The following SLCO1B1 variants were observed in gnomAD, a reference collection of about 807,000 sequenced individuals.
SLCO1B1 encodes the protein OATP-2.
A neutral mutation model predicts 70.1 loss-of-function variants in SLCO1B1; 81 were observed. The observed-to-expected ratio is 1.16, with a 90% CI of 0.97 to 1.39. The LOEUF (loss-of-function observed/expected upper bound fraction) is 1.39, where lower values mean the gene tolerates loss of function less well. Among genes scored for constraint, SLCO1B1 ranks in the 40% most tolerant of loss-of-function variants. The pLI is 0.00. For missense variants in SLCO1B1, 895 were observed against 799.6 expected (o/e 1.12, Z -1.44); for synonymous variants, 283 against 271.5 (o/e 1.04, Z -0.42).
intron 14 of SLCO1B1, among the ~76,000 whole-genome samples, chr12:21,236,586 G>A (rs1411960935): frequency 1.3e-5 from 2 of 152,164 alleles, no homozygotes; most frequent in Admixed American, 6.5e-5. Flanking sequence ...TAACAATTTG[G>A]TGGTCAGCAG....
At chr12:21,235,754 T>C (rs1370530208) in intron 14 of SLCO1B1, among the ~76,000 whole-genome samples, 1 of 152,128 alleles carries the variant, frequency 6.6e-6, no homozygotes, top group Non-Finnish European at 1.5e-5. Context: ...CATATTTCCT[T>C]AGTGTTTACT....
chr12:21,211,442 G>A (rs909358262), intron 11 of SLCO1B1, among the ~76,000 whole-genome samples: 8 of 152,272 alleles, frequency 5.3e-5, no homozygotes, highest in African/African-American at 1.7e-4. Flanking sequence ...GCTTTTGGAT[G>A]TGCTGCTGGA....
At chr12:21,179,151 G>C in intron 7 of SLCO1B1, 131 bp downstream of exon 7, 1 of 659,966 alleles carries the variant, frequency 1.5e-6, no homozygotes, top group Non-Finnish European at 2.7e-6. Flanking sequence ...TTACAAGTAG[G>C]AAATAAATGT....
rs1171764062 is a variant in SLCO1B1, at chr12:21,238,985, C to T, written c.1872C>T (p.Val624=). ...RTYNSTSFSR[V]YLGLSSMLRV... is the part of the protein sequence containing the mutation. Reference sequence around the variant, plus strand: ...ATTTTCTCTATTTCTACAGAAGGGTCTACTTGGGCTTGTCTTCAATGTTAA... The same window carrying T: ...ATTTTCTCTATTTCTACAGAAGGGTTTACTTGGGCTTGTCTTCAATGTTAA... Residue 624 remains valine (V), a synonymous_variant, in exon 15 of 15, where the codon GTC becomes GTT. Coordinates refer to ENST00000256958, the MANE Select transcript of SLCO1B1 (RefSeq NM_006446.5). The T allele has an allele frequency of 1.3e-6, 2 of 1,553,614 alleles. No homozygotes were observed. The highest frequency in any genetic ancestry group is 4.5e-5 in the East Asian group (2 of 44,368).
chr12:21,154,849 C>A (rs1404996213), intron 2 of SLCO1B1, among the ~76,000 whole-genome samples: 1 of 152,048 alleles, frequency 6.6e-6, no homozygotes, highest in Non-Finnish European at 1.5e-5. Context: ...CTCTTTATAG[C>A]TGAGAGGCTG....
intron 7 of SLCO1B1, 92 bp downstream of exon 7, chr12:21,179,112 A>T (rs1006555448): frequency 5.0e-6 from 4 of 795,904 alleles, no homozygotes; most frequent in Non-Finnish European, 8.9e-6. Context: ...CACTCTTTCA[A>T]TAGTCCTTTG....
chr12:21,237,066 T>C (rs1343616253), intron 14 of SLCO1B1, among the ~76,000 whole-genome samples: 2 of 152,228 alleles, frequency 1.3e-5, no homozygotes, highest in Non-Finnish European at 2.9e-5. Context: ...ATAATTTTAC[T>C]ATTGTCTATT....
rs1318119443 is a variant in SLCO1B1, at chr12:21,141,538, A to G, written c.-37A>G. On this transcript the variant is annotated 5_prime_UTR_variant, in exon 2 of 15. Transcript: ENST00000256958. Reference sequence around the variant, plus strand: ...GGTGATTGTTTCAAACTGAGCATCAACAACAAAAACATTTGTATGATATCT... The same window carrying G: ...GGTGATTGTTTCAAACTGAGCATCAGCAACAAAAACATTTGTATGATATCT... The G allele has an allele frequency of 7.6e-7, 1 of 1,321,788 alleles. No individual in the cohort carries two copies. The highest frequency in any genetic ancestry group is 1.9e-4 in the Middle Eastern group (1 of 5,404). 81.9% of individuals were successfully genotyped at this position (1,321,788 alleles called of 1,614,324 possible).
chr12:21,238,930 TA>T (rs1313934049), intron 14 of SLCO1B1, 48 bp from the exon 15 acceptor site: 3 of 1,154,784 alleles, frequency 2.6e-6, no homozygotes, highest in Non-Finnish European at 3.8e-6. Flanking sequence ...TTTAAGTTAT[TA>T]CACACAATTT....
intron 11 of SLCO1B1, among the ~76,000 whole-genome samples, chr12:21,209,517 A>T (rs1401076448): frequency 6.6e-6 from 1 of 152,188 alleles, no homozygotes; most frequent in Non-Finnish European, 1.5e-5. Flanking sequence ...CACAATAAAC[A>T]TACGTGTGCA....
intron 1 of SLCO1B1, among the ~76,000 whole-genome samples, chr12:21,131,585 T>C (rs1940133830): frequency 6.6e-6 from 1 of 152,106 alleles, no homozygotes; most frequent in African/African-American, 2.4e-5. Flanking sequence ...TTTTGTCAAC[T>C]ACATTGACTG....
intron 14 of SLCO1B1, among the ~76,000 whole-genome samples, chr12:21,227,805 A>C (rs936796701): frequency 6.8e-6 from 1 of 147,944 alleles, no homozygotes; most frequent in Non-Finnish European, 1.5e-5. Context: ...AAAGACCCTA[A>C]AACTATTTTT....
intron 2 of SLCO1B1, among the ~76,000 whole-genome samples, chr12:21,167,873 G>A (rs112818358): frequency 4.0e-5 from 6 of 148,502 alleles, no homozygotes; most frequent in Non-Finnish European, 8.9e-5. Context: ...TTGGAGTGCA[G>A]TGGTGTGATC....
In SLCO1B1 at chr12:21,141,653, T is replaced by C. The variant is rs190581845; in HGVS notation, c.79T>C (p.Leu27=). 8 of 1,594,306 alleles carry C rather than the reference T, an allele frequency of 5.0e-6. No homozygotes were observed. The highest frequency in any genetic ancestry group is 1.7e-4 in the Middle Eastern group (1 of 5,994). ...TAAGAAAACAAGATACTGCAATGGA[T>C]TGAAGGTAGAATAAGTTTTATGTTT... ...ENKKTRYCNG[L]KMFLAALSLS... The change falls in exon 2 of 15, where the codon TTG becomes CTG. Residue 27 remains leucine (L), a synonymous_variant. Transcript: ENST00000256958.
At position 21,142,419 on chromosome 12, in the gene SLCO1B1, C is replaced by G. The variant is rs539012837; in HGVS notation, c.84+761C>G. On this transcript the variant is annotated intron_variant, in intron 2 of 14. Transcript: ENST00000256958. Reference sequence around the variant, plus strand: ...GAATTGAAAACCCTGGAACCCAAGACAAAGCCTTTAAATCCCCATATGGAA... The same window carrying G: ...GAATTGAAAACCCTGGAACCCAAGAGAAAGCCTTTAAATCCCCATATGGAA... 1.5e-4 allele frequency among the ~76,000 whole-genome samples: 23 copies of G among 152,028 alleles called. No individual in the cohort carries two copies. The South Asian group carries it at 4.1e-3, about 27-fold the overall frequency.
chr12:21,206,021 T>TA lies in SLCO1B1; in HGVS notation c.1490dup (p.Pro498AlafsTer26). 1 of 1,611,648 alleles carries TA rather than the reference T, an allele frequency of 6.2e-7. No homozygotes were observed. On this transcript the variant is annotated frameshift_variant, in exon 11 of 15. Coordinates refer to ENST00000256958, the MANE Select transcript of SLCO1B1 (RefSeq NM_006446.5). LOFTEE classifies it high-confidence loss of function. The stretch of plus-strand genomic sequence containing the variant: ...CAGGTTGCAAATCTTCAAGTGGCAA[T>TA]AAAAAGCCTATAGTGAGTATTAGTT...
intron 14 of SLCO1B1, among the ~76,000 whole-genome samples, chr12:21,231,973 G>A (rs2121204853): frequency 6.6e-6 from 1 of 152,094 alleles, no homozygotes. Context: ...AGCCTTAACT[G>A]AGGTTGTAAC....
intron 7 of SLCO1B1, among the ~76,000 whole-genome samples, chr12:21,189,651 T>C (rs1941006303): frequency 6.6e-6 from 1 of 152,130 alleles, no homozygotes. Flanking sequence ...TTCACCATGT[T>C]GGCCTGGCTG....
At chr12:21,161,058 G>T (rs1940612430) in intron 2 of SLCO1B1, among the ~76,000 whole-genome samples, 1 of 152,158 alleles carries the variant, frequency 6.6e-6, no homozygotes, top group African/African-American at 2.4e-5. Flanking sequence ...ATACACTGTT[G>T]GTGGGAGTGT....
Sources: allele counts gnomAD v4.1 joint callset (sites outside exome capture counted in the v4.1 genomes callset), GRCh38; gene constraint gnomAD v4.1.1; transcripts MANE v1.5; gene names NCBI Gene and HGNC (gene_info 2026-07-23, HGNC 2026-07-21).